The following GRAP2 variants were observed in gnomAD, a reference collection of about 807,000 sequenced individuals.
The protein encoded by GRAP2 is GRB2-related adapter protein 2.
A neutral mutation model predicts 43.5 loss-of-function variants in GRAP2; 31 were observed. The observed-to-expected ratio is 0.71, with a 90% confidence interval of 0.54 to 0.96. The LOEUF is 0.96. GRAP2 is among the 40% of genes least tolerant of loss of function. The pLI is 0.00. For missense variants in GRAP2, 371 were observed against 424.4 expected (o/e 0.87, Z 1.11); for synonymous variants, 156 against 164.8 (o/e 0.95, Z 0.41).
At chr22:39,895,940 A>G in the GRAP2 span, among the ~76,000 whole-genome samples, 2 of 152,184 alleles carry the variant, frequency 1.3e-5, no homozygotes, top group South Asian at 2.1e-4. Flanking sequence ...GCCCAGAGAT[A>G]TTTAACTAGG....
intron 1 of GRAP2, chr22:39,926,988 G>A: frequency 4.0e-6 from 1 of 252,408 alleles, no homozygotes; most frequent in Non-Finnish European, 6.3e-6. Context: ...AGCAGAGGCG[G>A]TCACTGGCTT....
chr22:39,918,977 G>T (rs1440431971), intron 1 of GRAP2, among the ~76,000 whole-genome samples: 3 of 152,092 alleles, frequency 2.0e-5, no homozygotes, highest in Non-Finnish European at 2.9e-5. Context: ...CAAATCATAT[G>T]AAATTGACAA....
chr22:39,932,097 C>A (rs1315663378), intron 1 of GRAP2, among the ~76,000 whole-genome samples: 1 of 152,162 alleles, frequency 6.6e-6, no homozygotes, highest in Non-Finnish European at 1.5e-5. Flanking sequence ...TGTAAGAAAT[C>A]TTGTGGGACA....
intron 1 of GRAP2, among the ~76,000 whole-genome samples, chr22:39,904,312 C>T (rs1388475026): frequency 1.3e-5 from 2 of 152,268 alleles, no homozygotes; most frequent in East Asian, 3.9e-4. Context: ...TGCTTGAACC[C>T]GGGAGGCAGA....
At chr22:39,960,281 TGG>T in intron 4 of GRAP2, 107 bp downstream of exon 4, 1 of 1,131,928 alleles carries the variant, frequency 8.8e-7, no homozygotes. Context: ...GTCAGAAGCA[TGG>T]TGGCCTAGGG....
At chr22:39,940,941 G>A (rs879815028) in intron 1 of GRAP2, among the ~76,000 whole-genome samples, 1 of 152,180 alleles carries the variant, frequency 6.6e-6, no homozygotes, top group Non-Finnish European at 1.5e-5. Flanking sequence ...GTTACGAGAT[G>A]GAATTGATGG....
intron 6 of GRAP2, among the ~76,000 whole-genome samples, chr22:39,968,903 T>C (rs947854533): frequency 6.6e-6 from 1 of 152,184 alleles, no homozygotes; most frequent in Non-Finnish European, 1.5e-5. Flanking sequence ...CCATTGCGTT[T>C]CCTCTCATGC....
chr22:39,945,905 G>A (rs1021346646), intron 1 of GRAP2, among the ~76,000 whole-genome samples: 6 of 152,192 alleles, frequency 3.9e-5, no homozygotes, highest in African/African-American at 1.4e-4. Context: ...CTGTCACCCA[G>A]GCTGGAGTAC....
chr22:39,935,909 A>G (rs889714959), intron 1 of GRAP2, among the ~76,000 whole-genome samples: 3 of 152,226 alleles, frequency 2.0e-5, no homozygotes, highest in Non-Finnish European at 4.4e-5. Flanking sequence ...TTTGTGAACC[A>G]TGTCACAGCC....
chr22:39,962,232 G>A (rs934215148), intron 4 of GRAP2, among the ~76,000 whole-genome samples: 1 of 152,076 alleles, frequency 6.6e-6, no homozygotes, highest in Non-Finnish European at 1.5e-5. Flanking sequence ...GAGACCAGCC[G>A]GGGCAACTAG....
At chr22:39,967,992 G>A (rs1228831045) in intron 5 of GRAP2, 50 bp from the exon 6 acceptor site, 8 of 1,580,592 alleles carry the variant, frequency 5.1e-6, no homozygotes, top group Non-Finnish European at 6.9e-6. Context: ...GGTAGGGCCA[G>A]ACGATCAGAG....
chr22:39,958,115 C>T (rs1004865810), intron 3 of GRAP2, among the ~76,000 whole-genome samples: 1 of 152,144 alleles, frequency 6.6e-6, no homozygotes, highest in African/African-American at 2.4e-5. Flanking sequence ...GTCATCTCAG[C>T]ATGACCTGCC....
intron 1 of GRAP2, among the ~76,000 whole-genome samples, chr22:39,915,345 G>A (rs890971783): frequency 2.6e-5 from 4 of 152,166 alleles, no homozygotes; most frequent in African/African-American, 9.7e-5. Context: ...TGGTTGAGCA[G>A]GCATTGACCC....
chr22:39,935,040 T>C (rs1297957436), intron 1 of GRAP2, among the ~76,000 whole-genome samples: 3 of 152,138 alleles, frequency 2.0e-5, no homozygotes, highest in African/African-American at 4.8e-5. Context: ...GAGAAAAATA[T>C]TGAATAACTG....
chr22:39,964,482 G>A, intron 4 of GRAP2: 1 of 1,026,470 alleles, frequency 9.7e-7, no homozygotes, highest in Non-Finnish European at 1.5e-6. Flanking sequence ...AAAAAGAGGA[G>A]CAGAAGAAAC....
intron 5 of GRAP2, 139 bp from the exon 6 acceptor site, chr22:39,967,903 A>G: frequency 9.1e-7 from 1 of 1,097,468 alleles, no homozygotes; most frequent in Non-Finnish European, 1.3e-6. Flanking sequence ...AGCATCAATT[A>G]TCTTTTAGCT....
At chr22:39,964,268 G>T in intron 4 of GRAP2, 1 of 626,092 alleles carries the variant, frequency 1.6e-6, no homozygotes, top group Non-Finnish European at 2.8e-6. Context: ...TCTAGCCCTG[G>T]TTCGAATGTG....
chr22:39,959,171 G>A (rs2067089523), intron 3 of GRAP2, among the ~76,000 whole-genome samples: 1 of 152,196 alleles, frequency 6.6e-6, no homozygotes, highest in African/African-American at 2.4e-5. Context: ...GCTTGTCTGT[G>A]GTGGAGAGAG....
rs775175089 is a variant in GRAP2, at chr22:39,955,859, G to A, written c.119G>A (p.Gly40Glu). The change falls in exon 3 of 8, where the codon GGG becomes GAG. Residue 40 changes from glycine (G) to glutamate (E), a missense_variant. Gly to Glu is a moderately conservative substitution (Grantham distance 98, BLOSUM62 -2). Coordinates refer to ENST00000344138, the MANE Select transcript of GRAP2 (RefSeq NM_004810.4). The part of the protein sequence containing the change: ...NQEEWFKAEL[G>E]SQEGYVPKNF... ...GAGGAGTGGTTTAAGGCGGAGCTTG[G>A]GAGCCAGGAAGGATATGTGCCCAAG... is the stretch of plus-strand genomic sequence containing the variant. The A allele has an allele frequency of 6.3e-7, 1 of 1,593,322 alleles. No individual in the cohort carries two copies. Among genetic ancestry groups the A allele is most frequent in the South Asian group, 1.1e-5 (1 of 90,670 alleles).
Sources: allele counts gnomAD v4.1 joint callset (sites outside exome capture counted in the v4.1 genomes callset), GRCh38; gene constraint gnomAD v4.1.1; transcripts MANE v1.5; gene names NCBI Gene and HGNC (gene_info 2026-07-23, HGNC 2026-07-21).